Variants in POLB observed in about 807,000 individuals in gnomAD.
POLB encodes the protein DNA polymerase beta.
POLB carries 37 observed loss-of-function variants against 52.7 expected under a neutral mutation model. The ratio of observed to expected loss-of-function variants is 0.70; its 90% CI spans 0.54 to 0.92. The LOEUF is 0.92. Ranked by LOEUF, POLB falls within the 40% of genes least tolerant of loss-of-function variation. The probability of loss-of-function intolerance (pLI) is 0.00; values close to 1 mark genes in which losing one functional copy is unlikely to be tolerated. For synonymous variants in POLB, 138 were observed against 131.3 expected, an observed-to-expected ratio of 1.05 and a Z score of -0.35; for missense variants, 313 against 400.8, an observed-to-expected ratio of 0.78 and a Z score of 1.87.
At chr8:42,368,386 T>C (rs1164805487) in intron 11 of POLB, among the ~76,000 whole-genome samples, 1 of 152,238 alleles carries the variant, frequency 6.6e-6, no homozygotes, top group Non-Finnish European at 1.5e-5. Flanking sequence ...GATTTTAATT[T>C]TTCTATTTTG....
intron 9 of POLB, among the ~76,000 whole-genome samples, chr8:42,359,903 AAAATAGTTTCCATGG>A (rs1485163322): frequency 3.0e-4 from 45 of 152,142 alleles, no homozygotes; most frequent in African/African-American, 9.9e-4. Flanking sequence ...TTTCTTGATT[AAAATAGTTTCCATGG>A]ATGTCCAGTA....
chr8:42,342,498 T>G (rs1038924671), intron 2 of POLB: 36 of 992,282 alleles, frequency 3.6e-5, no homozygotes, highest in Admixed American at 1.7e-4. Context: ...TCTATTTGGG[T>G]GTGTTGTATT....
intron 5 of POLB, among the ~76,000 whole-genome samples, chr8:42,350,749 C>T (rs899100794): frequency 3.9e-5 from 6 of 152,024 alleles, no homozygotes; most frequent in African/African-American, 1.5e-4. Context: ...CTTTAAATGG[C>T]AGCATTTTCG....
chr8:42,356,033 A>AC (rs1823295723), intron 7 of POLB, among the ~76,000 whole-genome samples: 1 of 152,238 alleles, frequency 6.6e-6, no homozygotes, highest in African/African-American at 2.4e-5. Context: ...TATAGGAATA[A>AC]CTACTAGGCA....
chr8:42,339,938 C>T (rs1822095553), intron 2 of POLB: 1 of 152,148 alleles, frequency 6.6e-6, no homozygotes, highest in African/African-American at 2.4e-5. Flanking sequence ...TCTTAACTTC[C>T]CTCTAGCTAG....
chr8:42,342,733 G>A (rs971375824), intron 2 of POLB: 6 of 379,098 alleles, frequency 1.6e-5, no homozygotes, highest in East Asian at 5.9e-5. Flanking sequence ...AGTGGCTCAC[G>A]TCTGTAATCC....
intron 2 of POLB, among the ~76,000 whole-genome samples, chr8:42,344,326 A>T (rs1464985664): frequency 6.6e-6 from 1 of 151,616 alleles, no homozygotes; most frequent in East Asian, 1.9e-4. Context: ...AAAATTAGCC[A>T]GGCATGGTGG....
At chr8:42,359,024 T>G (rs1823504793) in intron 9 of POLB, among the ~76,000 whole-genome samples, 1 of 152,208 alleles carries the variant, frequency 6.6e-6, no homozygotes, top group African/African-American at 2.4e-5. Flanking sequence ...TTCCTGGATT[T>G]ATTTATTTCT....
intron 2 of POLB, among the ~76,000 whole-genome samples, chr8:42,343,355 T>A (rs1256145620): frequency 1.7e-4 from 6 of 34,508 alleles, no homozygotes; most frequent in African/African-American, 2.9e-4. Context: ...AATATATATA[T>A]ATATATATAT....
Position 42,357,514 on chromosome 8 carries a change from A to G in POLB, c.550+122A>G, listed in dbSNP as rs573688891. 80 of 611,708 alleles carry G rather than the reference A, an allele frequency of 1.3e-4. 1 individual carries two copies. In the South Asian group the frequency reaches 1.7e-3, roughly 13 times the overall value. The allele number at this position is 611,708 out of a possible 1,614,324, so 37.9% of individuals were successfully genotyped here. Reference sequence around the variant, plus strand: ...CTTCATAGACTCACTAAGACCTAGTAGTATTAGTTAAGGGTATTTGTTTAT... The same window carrying G: ...CTTCATAGACTCACTAAGACCTAGTGGTATTAGTTAAGGGTATTTGTTTAT... On this transcript the variant is annotated intron_variant, in intron 9 of 13. Coordinates refer to ENST00000265421, the MANE Select transcript of POLB (RefSeq NM_002690.3).
At chr8:42,346,368 C>CT (rs968133185) in intron 3 of POLB, among the ~76,000 whole-genome samples, 3 of 150,414 alleles carry the variant, frequency 2.0e-5, no homozygotes, top group Non-Finnish European at 3.0e-5. Context: ...CATAATTGCC[C>CT]TTTTTTTTCT....
chr8:42,339,246 T>G (rs1339956033), intron 2 of POLB, 177 bp downstream of exon 2: 16 of 632,276 alleles, frequency 2.5e-5, no homozygotes, highest in Non-Finnish European at 4.0e-5. Context: ...CGTTATAGGA[T>G]CAGTTCAGAT....
intron 12 of POLB, 24 bp from the exon 13 acceptor site, chr8:42,369,825 G>A (rs1053820930): frequency 1.0e-5 from 16 of 1,527,124 alleles, no homozygotes; most frequent in East Asian, 2.3e-5. Context: ...GTAAAAAAAT[G>A]TATCTACTGT....
intron 5 of POLB, among the ~76,000 whole-genome samples, chr8:42,351,067 G>T (rs1243488870): frequency 6.6e-6 from 1 of 152,032 alleles, no homozygotes; most frequent in African/African-American, 2.4e-5. Flanking sequence ...TAGAGAAGAG[G>T]TCTCCCTATG....
Position 42,341,866 on chromosome 8 carries a change from C to A in POLB, c.119+2797C>A, listed in dbSNP as rs185155252. ...CAAGGGACATTTTGGGATGGTTCCA[C>A]CTCTTTTTAACTTCTTTCTTGAGCT... On this transcript the variant is annotated intron_variant, in intron 2 of 13. Transcript: ENST00000265421. The A allele has an allele frequency of 7.4e-5, 44 of 597,448 alleles. No individual in the cohort carries two copies. The East Asian group carries it at 1.6e-3, about 22-fold the overall frequency. 37.0% of individuals were successfully genotyped at this position (597,448 alleles called of 1,614,324 possible).
rs1239286809 is a variant in POLB at position 42,362,847 on chromosome 8, G to A, written c.708+149G>A. Reference sequence around the variant, plus strand: ...TTAAAGAAAAATAATAGCAGGGGCCGGGCGCGGTGGCTCACGCCTGTGATC... The same window carrying A: ...TTAAAGAAAAATAATAGCAGGGGCCAGGCGCGGTGGCTCACGCCTGTGATC... On this transcript the variant is annotated intron_variant, in intron 11 of 13. Coordinates refer to ENST00000265421, the MANE Select transcript of POLB (RefSeq NM_002690.3). 23 of 566,338 alleles carry A rather than the reference G, an allele frequency of 4.1e-5. No homozygotes were observed. In the East Asian group the frequency reaches 4.7e-4, roughly 11 times the overall value. 35.1% of individuals were successfully genotyped at this position (566,338 alleles called of 1,614,324 possible).
rs1048661287 is a variant in POLB at position 42,363,150 on chromosome 8, A to G, written c.708+452A>G. 5.8e-4 allele frequency among the ~76,000 whole-genome samples: 88 copies of G among 151,886 alleles called. 4 individuals carry two copies. Among genetic ancestry groups the G allele is most frequent in the Admixed American group, 2.6e-4 (4 of 15,252 alleles). On this transcript the variant is annotated intron_variant, in intron 11 of 13. Transcript: ENST00000265421. ...AAAAAAAAAAGAAAGAAAAATAATC[A>G]GCAGGATGCCTGATTCTCATAGCTA...
rs764655771 is a variant in POLB, at chr8:42,371,535, C to A, written c.914-28C>A. 4.5e-6 allele frequency: 6 copies of A among 1,343,138 alleles called. No homozygotes were observed. In the Admixed American group the frequency reaches 5.2e-5, roughly 12 times the overall value. The allele number at this position is 1,343,138 out of a possible 1,614,324, so 83.2% of individuals were successfully genotyped here. On this transcript the variant is annotated intron_variant, in intron 13 of 13. Coordinates refer to ENST00000265421, the MANE Select transcript of POLB (RefSeq NM_002690.3). The stretch of plus-strand genomic sequence containing the variant: ...AACTAAACTATAAAACTGGTTCTTA[C>A]AATAAGTTTTTCTCTCTGTACTTGC...
chr8:42,361,465 G>A (rs746759346), intron 10 of POLB, 100 bp downstream of exon 10: 191 of 867,224 alleles, frequency 2.2e-4, no homozygotes, highest in Non-Finnish European at 3.1e-4. Context: ...TTTTGTTTTC[G>A]CCTTCCTGAA....
Sources: allele counts gnomAD v4.1 joint callset (sites outside exome capture counted in the v4.1 genomes callset), GRCh38; gene constraint gnomAD v4.1.1; transcripts MANE v1.5; gene names NCBI Gene and HGNC (gene_info 2026-07-23, HGNC 2026-07-21).